WDR25: variants seen among roughly 807,000 people sequenced by gnomAD.
WDR25 encodes WD repeat domain 25.
Under a neutral mutation model 47.7 loss-of-function variants are expected in WDR25, and 35 were observed. That is an observed-to-expected ratio of 0.73 (90% confidence interval 0.56 to 0.97). The LOEUF is 0.97. WDR25 is among the 50% of genes least tolerant of loss of function. The pLI, the probability that WDR25 is intolerant of heterozygous loss-of-function variation, is 0.00. For synonymous variants in WDR25, 248 were observed against 278.9 expected, an observed-to-expected ratio of 0.89 and a Z score of 1.10; for missense variants, 634 against 704.7, an observed-to-expected ratio of 0.90 and a Z score of 1.14.
chr14:100,516,041 CTGGTAACTTT>C lies in WDR25; in HGVS notation c.1102-9826_1102-9817del, dbSNP rs1901484524. On this transcript the variant is annotated intron_variant, in intron 4 of 6. Transcript: ENST00000402312. Reference sequence around the variant, plus strand: ...AGCATTTTCTTACCTCTTTCCAGGTCTGGTAACTTTTGATTGGATGCCAGACATTGTGAAT... The same window carrying C: ...AGCATTTTCTTACCTCTTTCCAGGTCTGATTGGATGCCAGACATTGTGAAT... Among the ~76,000 whole-genome samples, 4 of 151,094 alleles carry C rather than the reference CTGGTAACTTT, an allele frequency of 2.6e-5. No individual in the cohort carries two copies. The South Asian group carries it at 6.3e-4, about 24-fold the overall frequency.
intron 5 of WDR25, among the ~76,000 whole-genome samples, chr14:100,527,426 G>A (rs554436298): frequency 6.6e-6 from 1 of 152,266 alleles, no homozygotes; most frequent in South Asian, 2.1e-4. Context: ...ATTTAAAACT[G>A]TATGTCATGT....
intron 3 of WDR25, among the ~76,000 whole-genome samples, chr14:100,478,132 C>T (rs552099706): frequency 6.8e-6 from 1 of 147,506 alleles, no homozygotes; most frequent in Admixed American, 6.8e-5. Context: ...ACAAAAAAAC[C>T]TGTATCCCTT....
At chr14:100,419,800 A>G (rs1248184484) in intron 2 of WDR25, among the ~76,000 whole-genome samples, 2 of 152,228 alleles carry the variant, frequency 1.3e-5, no homozygotes, top group African/African-American at 4.8e-5. Context: ...CAGGCAGTTC[A>G]TGCCCCTGGC....
chr14:100,381,418 A>C lies in WDR25; in HGVS notation c.494A>C (p.Gln165Pro), dbSNP rs376764500. Residue 165 changes from glutamine to proline, a missense_variant, in exon 2 of 7, where the codon CAG becomes CCG. Transcript: ENST00000402312. ...GTAGGTAAAAATGGCAGCTCTTTTC[A>C]GAAGAAAAAATGTGAGGACTGTGTG... is the stretch of plus-strand genomic sequence containing the variant. ...ETVGKNGSSF[Q>P]KKKCEDCVVP... 2 of 1,614,230 alleles carry C rather than the reference A, an allele frequency of 1.2e-6. No homozygotes were observed. The highest frequency in any genetic ancestry group is 2.2e-5 in the South Asian group (2 of 91,084).
At chr14:100,386,027 C>G (rs1897011545) in intron 2 of WDR25, among the ~76,000 whole-genome samples, 1 of 152,130 alleles carries the variant, frequency 6.6e-6, no homozygotes, top group East Asian at 1.9e-4. Flanking sequence ...TGTATGAAAA[C>G]CTGCAGTTCT....
At chr14:100,487,045 T>C (rs1464622809) in intron 4 of WDR25, among the ~76,000 whole-genome samples, 3 of 152,252 alleles carry the variant, frequency 2.0e-5, no homozygotes, top group Non-Finnish European at 4.4e-5. Flanking sequence ...TTTATTTGTA[T>C]ACGCAATTTT....
chr14:100,503,334 C>T (rs1469471588), intron 4 of WDR25, among the ~76,000 whole-genome samples: 1 of 152,020 alleles, frequency 6.6e-6, no homozygotes, highest in Non-Finnish European at 1.5e-5. Flanking sequence ...CTCCCCCTGC[C>T]CCCCGCATGT....
At chr14:100,438,623 G>A (rs896343704) in intron 2 of WDR25, among the ~76,000 whole-genome samples, 1 of 152,170 alleles carries the variant, frequency 6.6e-6, no homozygotes, top group African/African-American at 2.4e-5. Flanking sequence ...CCATGCTCAC[G>A]ATCATTCAGC....
rs55802109 is a variant in WDR25 at position 100,390,391 on chromosome 14, C to CTGTGTGTGTGTGTGTG, written c.822+8666_822+8681dup. ...CCTAAAAAGCTGACCTGACCAAAAG[C>CTGTGTGTGTGTGTGTG]TGTGTGTGTGTGTGTGTGTGTGTGT... On this transcript the variant is annotated intron_variant, in intron 2 of 6. Coordinates refer to ENST00000402312, the MANE Select transcript of WDR25 (RefSeq NM_001161476.3). Among the ~76,000 whole-genome samples the CTGTGTGTGTGTGTGTG allele has an allele frequency of 2.4e-3, 346 of 146,704 alleles. 1 individual carries two copies. The highest frequency in any genetic ancestry group is 2.7e-3 in the Admixed American group (40 of 14,812).
At chr14:100,381,895 T>A (rs1896911470) in intron 2 of WDR25, 149 bp downstream of exon 2, 1 of 700,602 alleles carries the variant, frequency 1.4e-6, no homozygotes, top group African/African-American at 1.8e-5. Context: ...AAGGGTCATC[T>A]GTGGTCAGCT....
chr14:100,426,506 G>A (rs1389723624), intron 2 of WDR25, among the ~76,000 whole-genome samples: 1 of 152,248 alleles, frequency 6.6e-6, no homozygotes, highest in Non-Finnish European at 1.5e-5. Flanking sequence ...AGTCAATAAA[G>A]TACTCAGACG....
rs1241347696 is a variant in WDR25, at chr14:100,407,742, G to T, written c.822+25996G>T. 3.3e-5 allele frequency: 5 copies of T among 152,202 alleles called. No homozygotes were observed. Among genetic ancestry groups the T allele is most frequent in the Non-Finnish European group, 7.3e-5 (5 of 68,050 alleles). 9.4% of individuals were successfully genotyped at this position (152,202 alleles called of 1,614,324 possible). ...GTTTCACACTTCAGTGCCTAAACAG[G>T]CCCTGACACCCAGTTTGGCTAGGTT... On this transcript the variant is annotated intron_variant, in intron 2 of 6. Coordinates refer to ENST00000402312, the MANE Select transcript of WDR25 (RefSeq NM_001161476.3). This position sits in a 1 kb window ranked among gnomAD's most constrained non-coding sequence, Gnocchi z 4.1.
chr14:100,434,936 A>C (rs1334238689), intron 2 of WDR25, among the ~76,000 whole-genome samples: 1 of 152,224 alleles, frequency 6.6e-6, no homozygotes, highest in Non-Finnish European at 1.5e-5. Context: ...AGCAGGCTAC[A>C]TTAGTCCTGA....
chr14:100,434,369 A>T (rs1215290163), intron 2 of WDR25, among the ~76,000 whole-genome samples: 1 of 152,082 alleles, frequency 6.6e-6, no homozygotes, highest in Non-Finnish European at 1.5e-5. Context: ...TTCACAATGT[A>T]TTTATGTATT....
chr14:100,484,955 A>C (rs1900333216), intron 4 of WDR25, among the ~76,000 whole-genome samples: 2 of 152,152 alleles, frequency 1.3e-5, no homozygotes, highest in Non-Finnish European at 2.9e-5. Context: ...TCTCATCAGA[A>C]TCCTCCAGGC....
chr14:100,491,658 C>T (rs540227777), intron 4 of WDR25, among the ~76,000 whole-genome samples: 11 of 152,328 alleles, frequency 7.2e-5, no homozygotes, highest in African/African-American at 1.4e-4. Flanking sequence ...GTATCCCTGT[C>T]GTTAAGCAAC....
At chr14:100,411,243 G>C (rs760448124) in intron 2 of WDR25, among the ~76,000 whole-genome samples, 1 of 152,138 alleles carries the variant, frequency 6.6e-6, no homozygotes, top group Non-Finnish European at 1.5e-5. Flanking sequence ...GCTCTGTGAT[G>C]CTGGGCAAGC....
chr14:100,438,396 G>A (rs192426671), intron 2 of WDR25, among the ~76,000 whole-genome samples: 53 of 152,342 alleles, frequency 3.5e-4, no homozygotes, highest in Admixed American at 2.9e-3. Context: ...TTCATTGGCA[G>A]GATATAAAAT....
At chr14:100,429,220 C>T (rs531560695) in intron 2 of WDR25, among the ~76,000 whole-genome samples, 8 of 152,290 alleles carry the variant, frequency 5.3e-5, no homozygotes, top group Non-Finnish European at 8.8e-5. Flanking sequence ...AGAACTCTGA[C>T]GCCAGCTTGT....
Sources: gnomAD v4.1 joint callset for allele counts (sites outside exome capture counted in the v4.1 genomes callset) on GRCh38, gnomAD v4.1.1 for gene constraint, Gnocchi (gnomAD v3.1) non-coding constraint, MANE v1.5 for transcripts, NCBI Gene and HGNC (gene_info 2026-07-23, HGNC 2026-07-21) for gene names.